LRRTM3: variants seen among roughly 807,000 people sequenced by gnomAD.
LRRTM3 encodes the protein leucine rich repeat transmembrane neuronal 3, also known as leucine-rich repeat transmembrane neuronal protein 3.
Under a neutral mutation model 44.7 loss-of-function variants are expected in LRRTM3, and 24 were observed. The ratio of observed to expected loss-of-function variants is 0.54; its 90% CI spans 0.39 to 0.76. The LOEUF is 0.76. Among genes scored for constraint, LRRTM3 ranks in the 30% least tolerant of loss-of-function variants. The probability of loss-of-function intolerance (pLI) is 0.00; values close to 1 mark genes in which losing one functional copy is unlikely to be tolerated. For synonymous variants in LRRTM3, 277 were observed against 278.7 expected (o/e 0.99, Z 0.06); for missense variants, 587 against 702.2 (o/e 0.84, Z 1.85).
rs1858118768 is a variant in LRRTM3 at position 67,098,012 on chromosome 10, A to G, written c.*216A>G. ...TAGCTAAGTTGTGCAGTATTTTTTG[A>G]CTTAAACAGAGTATGACCCTGAAAA... On this transcript the variant is annotated 3_prime_UTR_variant, in exon 3 of 3. Coordinates refer to ENST00000361320, the MANE Select transcript of LRRTM3 (RefSeq NM_178011.5). The G allele has an allele frequency of 1.2e-5, 7 of 568,046 alleles. No individual in the cohort carries two copies. The highest frequency in any genetic ancestry group is 2.2e-5 in the Non-Finnish European group (7 of 318,878). 35.2% of individuals were successfully genotyped at this position (568,046 alleles called of 1,614,324 possible). A position where few individuals can be genotyped will look rare whatever the true frequency, so the allele number is the denominator to read the frequency against.
chr10:67,040,055 C>T (rs546907030), intron 2 of LRRTM3, among the ~76,000 whole-genome samples: 97 of 152,132 alleles, frequency 6.4e-4, no homozygotes, highest in Non-Finnish European at 1.2e-3. Flanking sequence ...ACCCATTCAT[C>T]TCTCTCTTTT....
Position 66,949,892 on chromosome 10 carries a change from T to A in LRRTM3, c.1536+21440T>A, listed in dbSNP as rs145559776. ...AACTATGAAATGGAAAAGCTCTAGA[T>A]TTCTGAGTGGTTCAGAATCACGGGC... On this transcript the variant is annotated intron_variant, in intron 2 of 2. Transcript: ENST00000361320. 1.7e-3 allele frequency among the ~76,000 whole-genome samples: 257 copies of A among 152,320 alleles called. 2 individuals carry two copies. The highest frequency in any genetic ancestry group is 3.1e-3 in the Non-Finnish European group (208 of 68,030).
intron 2 of LRRTM3, among the ~76,000 whole-genome samples, chr10:66,945,971 T>C (rs998788884): frequency 3.3e-5 from 5 of 152,160 alleles, no homozygotes; most frequent in Admixed American, 2.6e-4. Flanking sequence ...TCAAAGATCA[T>C]GGATCACAGA....
chr10:66,947,267 G>A (rs187873425), intron 2 of LRRTM3, among the ~76,000 whole-genome samples: 2 of 152,252 alleles, frequency 1.3e-5, no homozygotes, highest in East Asian at 1.9e-4. Context: ...CTCTAATGGG[G>A]TATCTTGTAC....
intron 2 of LRRTM3, among the ~76,000 whole-genome samples, chr10:66,980,858 T>C (rs1475254289): frequency 3.3e-5 from 5 of 152,162 alleles, no homozygotes; most frequent in Non-Finnish European, 5.9e-5. Flanking sequence ...AACTTTCTTC[T>C]CACACATTGA....
intron 2 of LRRTM3, among the ~76,000 whole-genome samples, chr10:67,037,320 T>C (rs16923961): frequency 0.02 from 3,027 of 150,014 alleles, 105 homozygotes; most frequent in African/African-American, 0.07. Context: ...AGCAAAATCA[T>C]ATTCAGCAGT....
chr10:67,092,711 T>G (rs933265138), intron 2 of LRRTM3, among the ~76,000 whole-genome samples: 1 of 151,960 alleles, frequency 6.6e-6, no homozygotes, highest in African/African-American at 2.4e-5. Context: ...CATTAGTAAT[T>G]AGTTATTTTT....
At chr10:67,036,381 G>A (rs1284693550) in intron 2 of LRRTM3, among the ~76,000 whole-genome samples, 1 of 151,700 alleles carries the variant, frequency 6.6e-6, no homozygotes, top group East Asian at 1.9e-4. Context: ...CAATTCTCCT[G>A]CCTCAGACTC....
intron 2 of LRRTM3, among the ~76,000 whole-genome samples, chr10:67,071,807 C>A (rs1589695995): frequency 1.3e-5 from 2 of 152,010 alleles, no homozygotes; most frequent in South Asian, 4.1e-4. Context: ...TTCCCTTTTT[C>A]TTTCTATGCT....
At chr10:66,983,212 A>T (rs555451913) in intron 2 of LRRTM3, among the ~76,000 whole-genome samples, 38 of 152,320 alleles carry the variant, frequency 2.5e-4, no homozygotes, top group African/African-American at 9.1e-4. Flanking sequence ...GCAGAAAGAC[A>T]AATGGAGGCT....
rs57025097 is a variant in LRRTM3 at position 66,996,649 on chromosome 10, C to CAAAAAAAAAAAAAAAAAAA, written c.1536+68201_1536+68219dup. Reference sequence around the variant, plus strand: ...GTGAGAGAGTGAGACTCCGTCTCTACAAAAAAAAAAAAAAAAAAAAAAGCA... The same window carrying CAAAAAAAAAAAAAAAAAAA: ...GTGAGAGAGTGAGACTCCGTCTCTACAAAAAAAAAAAAAAAAAAAAAAAAAAAAAAAAAAAAAAAAAGCA... On this transcript the variant is annotated intron_variant, in intron 2 of 2. Coordinates refer to ENST00000361320, the MANE Select transcript of LRRTM3 (RefSeq NM_178011.5). Among the ~76,000 whole-genome samples, 16 of 67,638 alleles carry CAAAAAAAAAAAAAAAAAAA rather than the reference C, an allele frequency of 2.4e-4. 4 individuals are homozygous for CAAAAAAAAAAAAAAAAAAA. Among genetic ancestry groups the CAAAAAAAAAAAAAAAAAAA allele is most frequent in the Admixed American group, 1.1e-3 (4 of 3,668 alleles). The allele number at this position is 67,638 out of a possible 152,430, so 44.4% of individuals were successfully genotyped here. A position where few individuals can be genotyped will look rare whatever the true frequency, so the allele number is the denominator to read the frequency against.
chr10:67,072,693 T>A (rs989749732), intron 2 of LRRTM3, among the ~76,000 whole-genome samples: 1 of 152,194 alleles, frequency 6.6e-6, no homozygotes, highest in Non-Finnish European at 1.5e-5. Context: ...TATATCTTTA[T>A]CTTCTGGGCC....
intron 2 of LRRTM3, among the ~76,000 whole-genome samples, chr10:67,057,625 C>G (rs1855518218): frequency 6.6e-6 from 1 of 152,076 alleles, no homozygotes; most frequent in Admixed American, 6.6e-5. Context: ...AGAATACTGA[C>G]CCAGCAACAC....
At position 66,978,526 on chromosome 10, in the gene LRRTM3, CAAAAAAAAA is replaced by C. The variant is rs1170594360; in HGVS notation, c.1536+50093_1536+50101del. Reference sequence around the variant, plus strand: ...TGGATGATAGAGTGAGACTCCATCTCAAAAAAAAAAAAAAAAAAAAAAAAAAATATATAT... The same window carrying C: ...TGGATGATAGAGTGAGACTCCATCTCAAAAAAAAAAAAAAAAAATATATAT... On this transcript the variant is annotated intron_variant, in intron 2 of 2. Coordinates refer to ENST00000361320, the MANE Select transcript of LRRTM3 (RefSeq NM_178011.5). Among the ~76,000 whole-genome samples, 3 of 42,322 alleles carry C rather than the reference CAAAAAAAAA, an allele frequency of 7.1e-5. 1 individual carries two copies. The highest frequency in any genetic ancestry group is 1.0e-4 in the African/African-American group (1 of 9,748). The allele number at this position is 42,322 out of a possible 152,430, so 27.8% of individuals were successfully genotyped here. A position where few individuals can be genotyped will look rare whatever the true frequency, so the allele number is the denominator to read the frequency against.
At position 66,969,111 on chromosome 10, in the gene LRRTM3, C is replaced by T. The variant is rs542040087; in HGVS notation, c.1536+40659C>T. ...AAAATAACATCCATTGCTTTATTTT[C>T]TGACTGCAAAAGCAAATATACTCAT... On this transcript the variant is annotated intron_variant, in intron 2 of 2. Coordinates refer to ENST00000361320, the MANE Select transcript of LRRTM3 (RefSeq NM_178011.5). Among the ~76,000 whole-genome samples the T allele has an allele frequency of 3.9e-5, 6 of 152,034 alleles. 1 individual carries two copies. The highest frequency in any genetic ancestry group is 1.4e-4 in the African/African-American group (6 of 41,496).
At chr10:67,085,330 C>T (rs73258412) in intron 2 of LRRTM3, among the ~76,000 whole-genome samples, 9,626 of 151,466 alleles carry the variant, frequency 0.064, 366 homozygotes, top group South Asian at 0.19. Flanking sequence ...AGAAATACTA[C>T]ATCCTATGAA....
chr10:66,927,964 A>G lies in LRRTM3; in HGVS notation c.1048A>G (p.Asn350Asp). The change falls in exon 2 of 3, where the codon AAT becomes GAT. Residue 350 changes from asparagine (N) to aspartate (D), a missense_variant. This residue lies in a region of LRRTM3 where 315 missense variants were observed against 335.6 expected (regional missense o/e 0.94). Coordinates refer to ENST00000361320, the MANE Select transcript of LRRTM3 (RefSeq NM_178011.5). The surrounding 1 kb of genome is among the most constrained non-coding windows in gnomAD (Gnocchi z 4.7). Reference sequence around the variant, plus strand: ...CAGTCCCAAAGAGCTGCAAGGAGTAAATGTGATCGATGCAGTGAAGAACTA... The same window carrying G: ...CAGTCCCAAAGAGCTGCAAGGAGTAGATGTGATCGATGCAGTGAAGAACTA... ...CASPKELQGV[N>D]VIDAVKNYSI... 1 of 1,614,216 alleles carries G rather than the reference A, an allele frequency of 6.2e-7. No individual in the cohort carries two copies.
intron 2 of LRRTM3, among the ~76,000 whole-genome samples, chr10:67,086,154 C>G (rs1442580468): frequency 6.6e-6 from 1 of 151,820 alleles, no homozygotes; most frequent in South Asian, 2.1e-4. Flanking sequence ...GTGGAAGAAA[C>G]AGTATATTTT....
At chr10:67,009,758 T>C (rs916454508) in intron 2 of LRRTM3, among the ~76,000 whole-genome samples, 2 of 152,200 alleles carry the variant, frequency 1.3e-5, no homozygotes, top group African/African-American at 2.4e-5. Context: ...TAGACTTTTT[T>C]ACTCCATTCC....
Sources: allele counts gnomAD v4.1 joint callset (sites outside exome capture counted in the v4.1 genomes callset), GRCh38; gene constraint gnomAD v4.1.1; regional missense constraint gnomAD v4.1.1; non-coding constraint Gnocchi (gnomAD v3.1); transcripts MANE v1.5; gene names NCBI Gene and HGNC (gene_info 2026-07-23, HGNC 2026-07-21).